The following DUS2 variants were observed in gnomAD, a reference collection of about 807,000 sequenced individuals.
The protein encoded by DUS2 is dihydrouridine synthase 2.
In DUS2, 52 loss-of-function variants were observed where a neutral mutation model predicts 71.3. The observed-to-expected ratio is 0.73, with a 90% CI of 0.58 to 0.92. The LOEUF (loss-of-function observed/expected upper bound fraction) is 0.92, where lower values mean the gene tolerates loss of function less well. DUS2 is among the 40% of genes least tolerant of loss of function. The pLI, the probability that DUS2 is intolerant of heterozygous loss-of-function variation, is 0.00. For synonymous variants in DUS2, 204 were observed against 227.8 expected (o/e 0.90, Z 0.94); for missense variants, 558 against 622.6 (o/e 0.90, Z 1.10).
chr16:68,061,411 C>T (rs997734051), intron 8 of DUS2, among the ~76,000 whole-genome samples: 2 of 152,174 alleles, frequency 1.3e-5, no homozygotes, highest in Non-Finnish European at 2.9e-5. Context: ...TCCTGTCTCC[C>T]TTCTGGGAAG....
chr16:68,076,101 T>C (rs560137330), intron 14 of DUS2, among the ~76,000 whole-genome samples: 2 of 152,206 alleles, frequency 1.3e-5, no homozygotes, highest in East Asian at 1.9e-4. Context: ...AGAGTTCCAG[T>C]TGGGAAGTTG....
At chr16:68,075,227 C>A in intron 13 of DUS2, 128 bp from the exon 14 acceptor site, 1 of 865,586 alleles carries the variant, frequency 1.2e-6, no homozygotes, top group Non-Finnish European at 1.6e-6. Flanking sequence ...ATTCTGATGG[C>A]CAGGCCCCGG....
chr16:68,041,810 CAAAAAAAAAAA>C (rs775747419), intron 3 of DUS2, among the ~76,000 whole-genome samples: 1 of 56,560 alleles, frequency 1.8e-5, no homozygotes, highest in African/African-American at 6.4e-5. Flanking sequence ...AACTCTGTGT[CAAAAAAAAAAA>C]AAAAAAAGAG....
chr16:68,038,234 G>T, intron 3 of DUS2, 85 bp downstream of exon 3: 2 of 1,565,270 alleles, frequency 1.3e-6, no homozygotes, highest in South Asian at 2.3e-5. Flanking sequence ...AGGAGTTAGT[G>T]GGGACAGAAT....
chr16:68,055,797 G>T (rs1015091232), intron 6 of DUS2, among the ~76,000 whole-genome samples: 1 of 149,150 alleles, frequency 6.7e-6, no homozygotes, highest in African/African-American at 2.4e-5. Context: ...TTACTATTTA[G>T]GTTGGTGCAA....
chr16:68,026,519 C>G (rs896447053), intron 2 of DUS2, among the ~76,000 whole-genome samples: 11 of 152,032 alleles, frequency 7.2e-5, no homozygotes, highest in African/African-American at 2.7e-4. Context: ...CCTTCTCATC[C>G]AGCTCCCTAC....
At chr16:68,042,292 T>G (rs1357678569) in intron 3 of DUS2, among the ~76,000 whole-genome samples, 1 of 152,200 alleles carries the variant, frequency 6.6e-6, no homozygotes, top group Non-Finnish European at 1.5e-5. Context: ...TGCTTCTATC[T>G]CTTTCAATTG....
rs1365134215 is a variant in DUS2, at chr16:68,074,029, C to T, written c.811-5C>T. 1 of 1,614,032 alleles carries T rather than the reference C, an allele frequency of 6.2e-7. No homozygotes were observed. Among genetic ancestry groups the T allele is most frequent in the Admixed American group, 1.7e-5 (1 of 60,018 alleles). On this transcript the variant is annotated splice_region_variant and splice_polypyrimidine_tract_variant and intron_variant, in intron 12 of 16. Coordinates refer to ENST00000565263, the MANE Select transcript of DUS2 (RefSeq NM_017803.5). ...GGGCATCAGGCAAGTCATTTCTTTTCTCAGGCGGTGCAGTATGACAACCAC... is the reference window on the plus strand; with the variant it reads ...GGGCATCAGGCAAGTCATTTCTTTTTTCAGGCGGTGCAGTATGACAACCAC...
intron 3 of DUS2, among the ~76,000 whole-genome samples, chr16:68,039,262 G>T (rs1221155569): frequency 6.6e-6 from 1 of 152,062 alleles, no homozygotes; most frequent in East Asian, 1.9e-4. Flanking sequence ...ACCATGTCAG[G>T]TAATGCAGAG....
intron 2 of DUS2, among the ~76,000 whole-genome samples, chr16:68,027,239 G>GTTT (rs1251832254): frequency 7.1e-6 from 1 of 140,102 alleles, no homozygotes; most frequent in Non-Finnish European, 1.6e-5. Context: ...TTAACTTCTT[G>GTTT]TTTTTTTTTT....
intron 2 of DUS2, among the ~76,000 whole-genome samples, chr16:68,035,877 G>A (rs1224410433): frequency 1.4e-4 from 16 of 113,842 alleles, no homozygotes; most frequent in African/African-American, 6.3e-4. Context: ...ACCACATCCC[G>A]CTAATTTTAT....
chr16:68,038,125 T>G lies in DUS2; in HGVS notation c.102T>G (p.Tyr34Ter), dbSNP rs1225938267. The change falls in exon 3 of 17, where the codon TAT becomes TAG. Residue 34 changes from tyrosine (Y) to a stop codon, truncating the protein, a stop_gained. Coordinates refer to ENST00000565263, the MANE Select transcript of DUS2 (RefSeq NM_017803.5). LOFTEE classifies it high-confidence loss of function. The stretch of plus-strand genomic sequence containing the variant: ...CAATGAGGCTGCTGGCCCTGGATTA[T>G]GGAGCGGACATTGTTTACTGTGAGG... ...TLPMRLLALDYGADIVYCEEL... is the reference protein window; with the variant it reads ...TLPMRLLALD The G allele has an allele frequency of 1.9e-6, 3 of 1,614,064 alleles. No individual in the cohort carries two copies. The highest frequency in any genetic ancestry group is 2.2e-5 in the South Asian group (2 of 91,070).
intron 2 of DUS2, among the ~76,000 whole-genome samples, chr16:68,028,358 A>G (rs925747773): frequency 3.9e-5 from 6 of 152,124 alleles, no homozygotes; most frequent in African/African-American, 1.2e-4. Flanking sequence ...GTTAGAGGCC[A>G]GGCGCGGTGG....
intron 3 of DUS2, among the ~76,000 whole-genome samples, chr16:68,047,773 G>A (rs988346120): frequency 2.0e-4 from 30 of 147,362 alleles, no homozygotes; most frequent in Non-Finnish European, 3.6e-4. Context: ...ATGAGCCACC[G>A]TGCTGGCGTG....
chr16:68,038,042 T>G lies in DUS2; in HGVS notation c.19T>G (p.Ser7Ala). The G allele has an allele frequency of 6.2e-7, 1 of 1,613,926 alleles. No individual in the cohort carries two copies. The highest frequency in any genetic ancestry group is 8.5e-7 in the Non-Finnish European group (1 of 1,179,876). The part of the protein sequence containing the change: MILNSL[S>A]LCYHNKLILA... ...GGAGGAAATGATTTTGAATAGCCTC[T>G]CTCTGTGTTACCATAATAAGCTAAT... The change falls in exon 3 of 17, where the codon TCT becomes GCT. Residue 7 changes from serine (S) to alanine (A), a missense_variant. Coordinates refer to ENST00000565263, the MANE Select transcript of DUS2 (RefSeq NM_017803.5).
At chr16:68,033,511 G>T (rs1486372282) in intron 2 of DUS2, among the ~76,000 whole-genome samples, 1 of 151,692 alleles carries the variant, frequency 6.6e-6, no homozygotes, top group African/African-American at 2.4e-5. Context: ...TTGAGACAGG[G>T]TCTTGCTCTG....
intron 4 of DUS2, among the ~76,000 whole-genome samples, chr16:68,050,627 T>A (rs1236648500): frequency 6.6e-6 from 1 of 152,290 alleles, no homozygotes; most frequent in South Asian, 2.1e-4. Flanking sequence ...TTTATATATA[T>A]CCCTCTTCTA....
At chr16:68,024,981 G>A (rs759576167) in intron 1 of DUS2, among the ~76,000 whole-genome samples, 75 of 151,988 alleles carry the variant, frequency 4.9e-4, no homozygotes, top group Admixed American at 3.5e-3. Context: ...AGAGGTGTGC[G>A]CTACCACTCC....
chr16:68,059,666 G>A (rs1236492921), intron 7 of DUS2, among the ~76,000 whole-genome samples: 1 of 152,186 alleles, frequency 6.6e-6, no homozygotes, highest in Non-Finnish European at 1.5e-5. Context: ...AAATTAAAGT[G>A]TAATAACTGA....
Sources: gnomAD v4.1 joint callset for allele counts (sites outside exome capture counted in the v4.1 genomes callset) on GRCh38, gnomAD v4.1.1 for gene constraint, MANE v1.5 for transcripts, NCBI Gene and HGNC (gene_info 2026-07-23, HGNC 2026-07-21) for gene names.